Variants in STK32B observed in about 807,000 individuals in gnomAD.
STK32B encodes the protein serine/threonine-protein kinase 32B.
STK32B carries 43 observed loss-of-function variants against 52.6 expected under a neutral mutation model. That is an observed-to-expected ratio of 0.82 (90% CI 0.64 to 1.05). The LOEUF is 1.05. Among genes scored for constraint, STK32B ranks in the 50% least tolerant of loss-of-function variants. The pLI is 0.00. For synonymous variants in STK32B, 238 were observed against 204.3 expected, an observed-to-expected ratio of 1.17 and a Z score of -1.41; for missense variants, 621 against 534.6, an observed-to-expected ratio of 1.16 and a Z score of -1.59.
At chr4:5,168,014 G>A (rs1303844024) in intron 2 of STK32B, among the ~76,000 whole-genome samples, 1 of 152,164 alleles carries the variant, frequency 6.6e-6, no homozygotes, top group Non-Finnish European at 1.5e-5. Context: ...AGCCCCTTGA[G>A]GGCAGGCCTG....
chr4:5,456,404 C>G (rs985012790), intron 7 of STK32B, among the ~76,000 whole-genome samples: 1 of 152,242 alleles, frequency 6.6e-6, no homozygotes, highest in Admixed American at 6.5e-5. Context: ...AAAGTGGCGG[C>G]CAAGGCCCAG....
intron 3 of STK32B, among the ~76,000 whole-genome samples, chr4:5,246,738 C>A (rs140846179): frequency 6.6e-6 from 1 of 152,186 alleles, no homozygotes; most frequent in African/African-American, 2.4e-5. Flanking sequence ...TGGTGACATA[C>A]ATACGGGTTT....
intron 3 of STK32B, among the ~76,000 whole-genome samples, chr4:5,182,682 C>T (rs1720453117): frequency 6.6e-6 from 1 of 152,152 alleles, no homozygotes. Flanking sequence ...TGGTCTCGAA[C>T]TCCTGACCTC....
intron 2 of STK32B, among the ~76,000 whole-genome samples, chr4:5,165,553 G>A (rs1447058531): frequency 6.6e-6 from 1 of 152,192 alleles, no homozygotes; most frequent in Non-Finnish European, 1.5e-5. Flanking sequence ...CAGCCCCGCA[G>A]AGGCAGTGCC....
intron 4 of STK32B, among the ~76,000 whole-genome samples, chr4:5,393,225 C>T (rs1289449036): frequency 2.6e-5 from 4 of 152,174 alleles, no homozygotes; most frequent in African/African-American, 9.7e-5. Flanking sequence ...GTTGGCTCAA[C>T]CTCCTACTGA....
chr4:5,392,205 C>T (rs543258481), intron 4 of STK32B, among the ~76,000 whole-genome samples: 68 of 152,230 alleles, frequency 4.5e-4, no homozygotes, highest in South Asian at 1.0e-3. Flanking sequence ...GAGGCCGAGG[C>T]GGGTGGATCA....
intron 3 of STK32B, among the ~76,000 whole-genome samples, chr4:5,313,363 G>A (rs944638833): frequency 3.3e-5 from 5 of 151,884 alleles, no homozygotes; most frequent in Non-Finnish European, 7.4e-5. Context: ...AAAACTCTCA[G>A]GCAACTAGAA....
intron 6 of STK32B, among the ~76,000 whole-genome samples, chr4:5,422,718 C>T (rs1712747264): frequency 6.6e-6 from 1 of 152,144 alleles, no homozygotes; most frequent in African/African-American, 2.4e-5. Flanking sequence ...TCCCAGTCCT[C>T]ACACAGATTG....
intron 4 of STK32B, among the ~76,000 whole-genome samples, chr4:5,337,017 C>T (rs1732749819): frequency 6.6e-6 from 1 of 152,068 alleles, no homozygotes. Flanking sequence ...GTTTTGCTGT[C>T]GTTCAGGCTA....
intron 2 of STK32B, among the ~76,000 whole-genome samples, chr4:5,166,591 C>T (rs1174503555): frequency 6.6e-6 from 1 of 151,124 alleles, no homozygotes; most frequent in African/African-American, 2.4e-5. Flanking sequence ...GACGGAAGAG[C>T]TGCAGCTGCA....
chr4:5,256,569 G>A (rs753967846), intron 3 of STK32B, among the ~76,000 whole-genome samples: 5 of 152,248 alleles, frequency 3.3e-5, no homozygotes, highest in South Asian at 2.1e-4. Flanking sequence ...TCTCTGAACC[G>A]TCAGCCAGGT....
chr4:5,238,837 T>G (rs1724808963), intron 3 of STK32B, among the ~76,000 whole-genome samples: 1 of 152,232 alleles, frequency 6.6e-6, no homozygotes, highest in Admixed American at 6.5e-5. Context: ...CATATGCCAG[T>G]GTTCCTGCCC....
chr4:5,366,896 A>G (rs995807363), intron 4 of STK32B, among the ~76,000 whole-genome samples: 1 of 152,072 alleles, frequency 6.6e-6, no homozygotes, highest in Non-Finnish European at 1.5e-5. Context: ...TATAGTCCCC[A>G]CCACTACCTG....
intron 1 of STK32B, among the ~76,000 whole-genome samples, chr4:5,084,437 T>C (rs1209219973): frequency 6.6e-6 from 1 of 152,188 alleles, no homozygotes; most frequent in African/African-American, 2.4e-5. Context: ...GATAATTCCC[T>C]AAAATGGAAT....
chr4:5,152,488 G>T (rs1344934446), intron 2 of STK32B, among the ~76,000 whole-genome samples: 1 of 152,236 alleles, frequency 6.6e-6, no homozygotes, highest in African/African-American at 2.4e-5. Flanking sequence ...AAATATTTGT[G>T]AGACAGGAGG....
intron 6 of STK32B, among the ~76,000 whole-genome samples, chr4:5,446,326 G>A (rs1715416393): frequency 6.6e-6 from 1 of 152,178 alleles, no homozygotes; most frequent in Non-Finnish European, 1.5e-5. Context: ...AGCACTTTGG[G>A]AGGCTGAGGC....
At chr4:5,266,194 C>T (rs557965738) in intron 3 of STK32B, among the ~76,000 whole-genome samples, 9 of 152,314 alleles carry the variant, frequency 5.9e-5, no homozygotes, top group Admixed American at 5.9e-4. Context: ...ATAACAACAG[C>T]ATCACCATCA....
intron 3 of STK32B, among the ~76,000 whole-genome samples, chr4:5,305,704 A>C (rs1729882822): frequency 6.6e-6 from 1 of 151,816 alleles, no homozygotes; most frequent in South Asian, 2.1e-4. Flanking sequence ...CATTTTATTT[A>C]GTTCTGCTCG....
At chr4:5,106,864 T>G (rs578240427) in intron 1 of STK32B, among the ~76,000 whole-genome samples, 1 of 152,214 alleles carries the variant, frequency 6.6e-6, no homozygotes, top group Non-Finnish European at 1.5e-5. Flanking sequence ...CCCTTAAATG[T>G]CCTGTTGAAT....
Sources: allele counts gnomAD v4.1 joint callset (sites outside exome capture counted in the v4.1 genomes callset), GRCh38; gene constraint gnomAD v4.1.1; transcripts MANE v1.5; gene names NCBI Gene and HGNC (gene_info 2026-07-23, HGNC 2026-07-21).